FKTN: variants seen among roughly 807,000 people sequenced by gnomAD.
FKTN encodes fukutin, also known as ribitol-5-phosphate transferase FKTN.
In FKTN, 47 loss-of-function variants were observed where a neutral mutation model predicts 58.6. The ratio of observed to expected loss-of-function variants is 0.80; its 90% CI spans 0.63 to 1.02. The LOEUF is 1.02. Ranked by LOEUF, FKTN falls within the 50% of genes least tolerant of loss-of-function variation. The probability of loss-of-function intolerance (pLI) is 0.00; values close to 1 mark genes in which losing one functional copy is unlikely to be tolerated. For missense variants in FKTN, 516 were observed against 537.3 expected (o/e 0.96, Z 0.39); for synonymous variants, 178 against 191.9 (o/e 0.93, Z 0.60).
chr9:105,604,319 C>G lies in FKTN; in HGVS notation c.474C>G (p.Ile158Met). 6.2e-7 allele frequency: 1 copy of G among 1,614,024 alleles called. No homozygotes were observed. Among genetic ancestry groups the G allele is most frequent in the South Asian group, 1.1e-5 (1 of 91,064 alleles). Residue 158 changes from isoleucine (I) to methionine (M), a missense_variant, in exon 6 of 11, where the codon ATC becomes ATG. By Grantham distance (10) the Ile-to-Met change is conservative (BLOSUM62 1). Transcript: ENST00000357998. ...DGIDSLSGTE[I>M]PLHYICKLAT... ...TAGACTCACTCTCTGGAACTGAAAT[C>G]CCCCTGCACTATATCTGCAAACTGG... is the stretch of plus-strand genomic sequence containing the variant.
intron 4 of FKTN, chr9:105,598,138 TC>T (rs1241561025): frequency 2.1e-6 from 1 of 469,018 alleles, no homozygotes; most frequent in Non-Finnish European, 4.4e-6. Flanking sequence ...AGTCTTTACT[TC>T]CACGGTACGC....
chr9:105,582,290 A>G (rs1177929655), intron 3 of FKTN, among the ~76,000 whole-genome samples: 2 of 152,094 alleles, frequency 1.3e-5, no homozygotes, highest in African/African-American at 4.8e-5. Flanking sequence ...TCTGGGGCTC[A>G]AGCAGTACTC....
intron 8 of FKTN, among the ~76,000 whole-genome samples, chr9:105,616,853 C>A (rs1311449673): frequency 6.6e-6 from 1 of 150,444 alleles, no homozygotes; most frequent in African/African-American, 2.4e-5. Flanking sequence ...GTTCTTCCTG[C>A]CAAGGAGCTT....
intron 3 of FKTN, among the ~76,000 whole-genome samples, chr9:105,582,987 G>C (rs909236314): frequency 1.3e-5 from 2 of 152,208 alleles, no homozygotes; most frequent in Non-Finnish European, 2.9e-5. Flanking sequence ...GTCAAGGCTA[G>C]AAGGAATAAT....
At chr9:105,588,670 G>A (rs1018282823) in intron 3 of FKTN, among the ~76,000 whole-genome samples, 2 of 152,122 alleles carry the variant, frequency 1.3e-5, no homozygotes, top group African/African-American at 4.8e-5. Flanking sequence ...TCTTTCTTCT[G>A]TACTGTTGTC....
intron 10 of FKTN, among the ~76,000 whole-genome samples, chr9:105,632,782 A>C (rs1021478038): frequency 6.6e-6 from 1 of 152,202 alleles, no homozygotes; most frequent in African/African-American, 2.4e-5. Context: ...TTGTGGTAAT[A>C]ATATCTCTTA....
chr9:105,584,677 C>A (rs2132306343), intron 3 of FKTN, among the ~76,000 whole-genome samples: 1 of 152,082 alleles, frequency 6.6e-6, no homozygotes, highest in East Asian at 1.9e-4. Flanking sequence ...AATATTAGCC[C>A]AGCATGGTGG....
intron 3 of FKTN, among the ~76,000 whole-genome samples, chr9:105,579,297 GC>G (rs1055039639): frequency 2.2e-4 from 34 of 152,020 alleles, no homozygotes; most frequent in African/African-American, 7.5e-4. Context: ...TCTCTTGTGG[GC>G]ATTTAGTGCT....
intron 7 of FKTN, among the ~76,000 whole-genome samples, chr9:105,610,839 A>G (rs1340148786): frequency 6.6e-6 from 1 of 152,076 alleles, no homozygotes; most frequent in East Asian, 1.9e-4. Context: ...TTAGTATCGA[A>G]TAGTTCAGGA....
intron 6 of FKTN, among the ~76,000 whole-genome samples, chr9:105,606,680 A>AAT (rs34580084): frequency 3.9e-4 from 52 of 132,130 alleles, no homozygotes; most frequent in African/African-American, 1.1e-3. Flanking sequence ...TTCTTTTAAA[A>AAT]ATATATATAT....
rs754615248 is a variant in FKTN at position 105,635,037 on chromosome 9, C to G, written c.1173-14C>G. On this transcript the variant is annotated splice_polypyrimidine_tract_variant and intron_variant, in intron 10 of 10. Coordinates refer to ENST00000357998, the MANE Select transcript of FKTN (RefSeq NM_001079802.2). ...CTTCCACTGTTGAAGCCTAATCCCTCTGTTTTGCTGCAGATACCTGTTTCC... is the reference window on the plus strand; with the variant it reads ...CTTCCACTGTTGAAGCCTAATCCCTGTGTTTTGCTGCAGATACCTGTTTCC... The G allele has an allele frequency of 1.9e-6, 3 of 1,612,472 alleles. No individual in the cohort carries two copies. The highest frequency in any genetic ancestry group is 1.7e-6 in the Non-Finnish European group (2 of 1,178,424).
intron 10 of FKTN, among the ~76,000 whole-genome samples, chr9:105,634,459 C>T (rs964711171): frequency 6.6e-6 from 1 of 152,088 alleles, no homozygotes; most frequent in Admixed American, 6.5e-5. Context: ...AACTTACCTA[C>T]TAATCGACTT....
At chr9:105,578,878 T>C (rs1307493505) in intron 3 of FKTN, among the ~76,000 whole-genome samples, 6 of 152,166 alleles carry the variant, frequency 3.9e-5, no homozygotes, top group African/African-American at 1.4e-4. Context: ...GAGATTCAAC[T>C]TCTTCCTGGT....
chr9:105,574,770 A>G (rs1416155845), intron 2 of FKTN, 175 bp from the exon 3 acceptor site: 5 of 350,024 alleles, frequency 1.4e-5, no homozygotes, highest in Non-Finnish European at 2.6e-5. Flanking sequence ...GTGATAATAA[A>G]CATTTTTGTT....
chr9:105,608,156 T>G (rs1829253719), intron 7 of FKTN, among the ~76,000 whole-genome samples: 1 of 152,190 alleles, frequency 6.6e-6, no homozygotes, highest in Admixed American at 6.5e-5. Context: ...ATTTTCTAAG[T>G]CAATAGGTTG....
intron 8 of FKTN, among the ~76,000 whole-genome samples, chr9:105,617,460 G>A (rs777633816): frequency 3.5e-4 from 53 of 152,112 alleles, no homozygotes; most frequent in Non-Finnish European, 6.5e-4. Context: ...AAATATATTG[G>A]TTAAGCAAAA....
At chr9:105,592,691 G>A (rs1002251103) in intron 3 of FKTN, among the ~76,000 whole-genome samples, 5 of 152,206 alleles carry the variant, frequency 3.3e-5, no homozygotes, top group Middle Eastern at 3.4e-3. Flanking sequence ...TATCACTCTC[G>A]AGTTCAGAGT....
Position 105,581,824 on chromosome 9 carries a change from G to T in FKTN, c.105+6687G>T, listed in dbSNP as rs562251995. Among the ~76,000 whole-genome samples the T allele has an allele frequency of 2.0e-5, 3 of 152,322 alleles. No individual in the cohort carries two copies. In the South Asian group the frequency reaches 6.2e-4, roughly 32 times the overall value. On this transcript the variant is annotated intron_variant, in intron 3 of 10. Transcript: ENST00000357998. ...CTGGGCTAGCAATCAGCGAGATTCC[G>T]TGGGCGTAGGACCCTCCGAGCCAGG...
At position 105,620,147 on chromosome 9, in the gene FKTN, C is replaced by A. The variant is rs142935024; in HGVS notation, c.1172+86C>A. The A allele has an allele frequency of 8.3e-4, 982 of 1,183,470 alleles. 11 individuals are homozygous for A. The African/African-American group carries it at 0.013, about 16-fold the overall frequency. The allele number at this position is 1,183,470 out of a possible 1,614,324, so 73.3% of individuals were successfully genotyped here. A position where few individuals can be genotyped will look rare whatever the true frequency, so the allele number is the denominator to read the frequency against. On this transcript the variant is annotated intron_variant, in intron 10 of 10. Transcript: ENST00000357998. ...AATAAAGAAGTAACTGAAAAGAAAA[C>A]CAAAAATCTCTTTCAAGACTCCATT... is the stretch of plus-strand genomic sequence containing the variant.
Sources: gnomAD v4.1 joint callset for allele counts (sites outside exome capture counted in the v4.1 genomes callset) on GRCh38, gnomAD v4.1.1 for gene constraint, MANE v1.5 for transcripts, NCBI Gene and HGNC (gene_info 2026-07-23, HGNC 2026-07-21) for gene names.